The following RBM45 variants were observed in gnomAD, a reference collection of about 807,000 sequenced individuals.
RBM45 encodes the protein RNA-binding protein 45.
In RBM45, 39 loss-of-function variants were observed where a neutral mutation model predicts 58.5. That is an observed-to-expected ratio of 0.67 (90% CI 0.52 to 0.87). The LOEUF is 0.87. Among genes scored for constraint, RBM45 ranks in the 40% least tolerant of loss-of-function variants. The pLI, the probability that RBM45 is intolerant of heterozygous loss-of-function variation, is 0.00. For missense variants in RBM45, 481 were observed against 581.6 expected, an observed-to-expected ratio of 0.83 and a Z score of 1.78; for synonymous variants, 193 against 203.0, an observed-to-expected ratio of 0.95 and a Z score of 0.42.
downstream of RBM45, among the ~76,000 whole-genome samples, chr2:178,133,117 C>G (rs183891176): frequency 5.3e-5 from 8 of 152,274 alleles, no homozygotes; most frequent in South Asian, 2.1e-4. Flanking sequence ...GTTTCCTAGT[C>G]TTTTTACCTT....
chr2:178,112,636 T>C lies in RBM45; in HGVS notation c.90T>C (p.Leu30=), dbSNP rs1472252810. The change falls in exon 1 of 10, where the codon CTT becomes CTC. Residue 30 remains leucine (L), a synonymous_variant. Coordinates refer to ENST00000286070, the MANE Select transcript of RBM45 (RefSeq NM_152945.4). ...LDEPPNSRIF[L]VISKYTPESV... The stretch of plus-strand genomic sequence containing the variant: ...AACCGCCCAACAGCCGCATCTTCCT[T>C]GTGATCAGCAAGTACACACCTGAGT... The C allele has an allele frequency of 1.9e-6, 3 of 1,614,076 alleles. No homozygotes were observed. Among genetic ancestry groups the C allele is most frequent in the Non-Finnish European group, 2.5e-6 (3 of 1,180,032 alleles).
intron 2 of RBM45, among the ~76,000 whole-genome samples, chr2:178,117,441 C>G: frequency 6.6e-6 from 1 of 152,068 alleles, no homozygotes; most frequent in East Asian, 1.9e-4. Context: ...AAAGTAAACA[C>G]TACTGCATGT....
exon 4 of RBM45, chr2:178,137,112 TTAATA>T (rs2088051607): frequency 6.6e-6 from 1 of 152,184 alleles, no homozygotes; most frequent in Admixed American, 6.5e-5. Context: ...AATTTGATAG[TTAATA>T]TAAGCTTAAG....
rs373989822 is a variant in RBM45, at chr2:178,121,164, T to C, written c.674-16T>C. 2 of 1,368,904 alleles carry C rather than the reference T, an allele frequency of 1.5e-6. No homozygotes were observed. Among genetic ancestry groups the C allele is most frequent in the Non-Finnish European group, 2.0e-6 (2 of 988,994 alleles). 84.8% of individuals were successfully genotyped at this position (1,368,904 alleles called of 1,614,324 possible). On this transcript the variant is annotated splice_polypyrimidine_tract_variant and intron_variant, in intron 4 of 9. Coordinates refer to ENST00000286070, the MANE Select transcript of RBM45 (RefSeq NM_152945.4). Reference sequence around the variant, plus strand: ...TGTAGAAATCTAAAGATTTACTTTTTTTTATATTGTCGGAGAACAACAATC... The same window carrying C: ...TGTAGAAATCTAAAGATTTACTTTTCTTTATATTGTCGGAGAACAACAATC...
intron 8 of RBM45, among the ~76,000 whole-genome samples, chr2:178,125,463 T>G (rs184890702): frequency 1.8e-4 from 28 of 152,232 alleles, no homozygotes; most frequent in African/African-American, 6.7e-4. Flanking sequence ...TAAAAATAAT[T>G]TCTCCACAGG....
At chr2:178,132,347 A>G (rs937724519), downstream of RBM45, among the ~76,000 whole-genome samples, 8 of 152,214 alleles carry the variant, frequency 5.3e-5, no homozygotes, top group African/African-American at 1.7e-4. Context: ...GTAGATAAAA[A>G]GGTAGTGAAA....
At chr2:178,121,399 TATATAC>T in intron 5 of RBM45, 40 bp downstream of exon 5, 1 of 560,538 alleles carries the variant, frequency 1.8e-6, no homozygotes, top group East Asian at 3.9e-5. Flanking sequence ...TATATATGTA[TATATAC>T]ACACACACAC....
In RBM45 at chr2:178,114,147, C is replaced by G. The variant is rs116823320; in HGVS notation, c.300+1301C>G. 3.5e-3 allele frequency among the ~76,000 whole-genome samples: 534 copies of G among 152,314 alleles called. 6 individuals are homozygous for G. The highest frequency in any genetic ancestry group is 0.012 in the African/African-American group (517 of 41,570). ...TATTTTAGGCTTTGCAGGCCACATA[C>G]AGTCTCTGTCACATAACCTTGTCTG... is the stretch of plus-strand genomic sequence containing the variant. On this transcript the variant is annotated intron_variant, in intron 1 of 9. Transcript: ENST00000286070.
chr2:178,112,610 G>C lies in RBM45; in HGVS notation c.64G>C (p.Glu22Gln). The C allele has an allele frequency of 6.2e-7, 1 of 1,613,862 alleles. No individual in the cohort carries two copies. Among genetic ancestry groups the C allele is most frequent in the East Asian group, 2.2e-5 (1 of 44,888 alleles). ...CCGCCCGGGCGTGGACAGCCTGGAC[G>C]AACCGCCCAACAGCCGCATCTTCCT... ...GFRPGVDSLDEPPNSRIFLVI... is the reference protein window; with the variant it reads ...GFRPGVDSLDQPPNSRIFLVI... The change falls in exon 1 of 10, where the codon GAA becomes CAA. Residue 22 changes from glutamate (E) to glutamine (Q), a missense_variant. Glu to Gln is a conservative substitution (Grantham distance 29). Transcript: ENST00000286070.
At chr2:178,115,678 G>A (rs1252259036) in intron 1 of RBM45, among the ~76,000 whole-genome samples, 1 of 152,154 alleles carries the variant, frequency 6.6e-6, no homozygotes, top group Non-Finnish European at 1.5e-5. Flanking sequence ...CAGTGGATCA[G>A]AGACCAAGAT....
rs755883522 is a variant in RBM45, at chr2:178,123,961, A to T, written c.1068+49A>T. 7 of 1,543,974 alleles carry T rather than the reference A, an allele frequency of 4.5e-6. No homozygotes were observed. In the East Asian group the frequency reaches 1.6e-4, roughly 35 times the overall value. ...TTATAATATATCAATAGCATATAAA[A>T]TAAATGTGAAGAGAAATCATGCTTT... is the stretch of plus-strand genomic sequence containing the variant. On this transcript the variant is annotated intron_variant, in intron 7 of 9. Coordinates refer to ENST00000286070, the MANE Select transcript of RBM45 (RefSeq NM_152945.4).
Position 178,124,283 on chromosome 2 carries a change from A to C in RBM45, c.1225A>C (p.Ile409Leu), listed in dbSNP as rs1282979376. The change falls in exon 8 of 10, where the codon ATA (isoleucine) becomes CTA (leucine). Residue 409 changes from isoleucine to leucine, a missense_variant. By Grantham distance (5) the Ile-to-Leu change is conservative. Transcript: ENST00000286070. ...TTTACCTTTAGACGTATTAGAAGAT[A>C]TATTCTGGTAAGAAAGTTACATTTT... ...HPLPLDVLED[I>L]FCRFGNLIEV... 6.6e-7 allele frequency: 1 copy of C among 1,526,242 alleles called. No homozygotes were observed. Among genetic ancestry groups the C allele is most frequent in the Non-Finnish European group, 8.9e-7 (1 of 1,129,030 alleles). The allele number at this position is 1,526,242 out of a possible 1,614,324, so 94.5% of individuals were successfully genotyped here. A position where few individuals can be genotyped will look rare whatever the true frequency, so the allele number is the denominator to read the frequency against.
chr2:178,125,715 A>G, intron 8 of RBM45: 1 of 607,742 alleles, frequency 1.6e-6, no homozygotes, highest in Non-Finnish European at 3.2e-6. Flanking sequence ...CTCAGAAGAC[A>G]GAGTGAAAAA....
chr2:178,123,996 CTG>C, intron 7 of RBM45, 84 bp downstream of exon 7: 1 of 1,499,076 alleles, frequency 6.7e-7, no homozygotes, highest in Non-Finnish European at 9.2e-7. Context: ...TGTTGATTAT[CTG>C]TGTATGAAAA....
chr2:178,134,085 A>G (rs1487260368), downstream of RBM45, among the ~76,000 whole-genome samples: 1 of 152,208 alleles, frequency 6.6e-6, no homozygotes, highest in African/African-American at 2.4e-5. Flanking sequence ...CTGAGTAATT[A>G]TCAGAGAAAA....
intron 1 of RBM45, among the ~76,000 whole-genome samples, chr2:178,113,956 GAGA>G (rs1427950331): frequency 6.6e-6 from 1 of 152,188 alleles, no homozygotes; most frequent in Admixed American, 6.5e-5. Context: ...ATCCACCAAA[GAGA>G]AGGAGCCTGG....
At chr2:178,128,160 C>T (rs1210101164) in intron 9 of RBM45, among the ~76,000 whole-genome samples, 1 of 151,950 alleles carries the variant, frequency 6.6e-6, no homozygotes, top group Non-Finnish European at 1.5e-5. Flanking sequence ...CATGTGCCAC[C>T]ATGCCCAGGT....
At chr2:178,133,756 A>G (rs928852037), downstream of RBM45, 2 of 152,214 alleles carry the variant, frequency 1.3e-5, no homozygotes, top group Admixed American at 6.5e-5. Flanking sequence ...ATTTTTACAT[A>G]TGATTTCAGT....
downstream of RBM45, among the ~76,000 whole-genome samples, chr2:178,133,253 G>A (rs989911323): frequency 6.6e-6 from 1 of 152,106 alleles, no homozygotes; most frequent in Non-Finnish European, 1.5e-5. Flanking sequence ...TTTTACTTTA[G>A]TGAATATTTT....
Sources: gnomAD v4.1 joint callset for allele counts (sites outside exome capture counted in the v4.1 genomes callset) on GRCh38, gnomAD v4.1.1 for gene constraint, MANE v1.5 for transcripts, NCBI Gene and HGNC (gene_info 2026-07-23, HGNC 2026-07-21) for gene names.